STON1: variants seen among roughly 807,000 people sequenced by gnomAD.
STON1 encodes stonin 1, also known as stonin-1.
In STON1, 79 loss-of-function variants were observed where a neutral mutation model predicts 60.9. The ratio of observed to expected loss-of-function variants is 1.30; its 90% CI spans 1.08 to 1.56. STON1 has a LOEUF of 1.56. STON1 is among the 40% of genes most tolerant of loss of function. STON1 has a pLI of 0.00. For synonymous variants in STON1, 363 were observed against 306.9 expected (o/e 1.18, Z -1.91); for missense variants, 1,166 against 858.9 (o/e 1.36, Z -4.47).
chr2:48,568,938 AG>A (rs1673064584), intron 1 of STON1: 1 of 152,316 alleles, frequency 6.6e-6, no homozygotes, highest in Admixed American at 6.6e-5. Flanking sequence ...TCATTAGTGA[AG>A]GGTGGGGTGG....
chr2:48,574,644 C>G (rs1221527421), intron 1 of STON1, among the ~76,000 whole-genome samples: 5 of 152,162 alleles, frequency 3.3e-5, no homozygotes, highest in Non-Finnish European at 7.3e-5. Flanking sequence ...TTCACAGGGT[C>G]TTTTTGATAA....
intron 1 of STON1, among the ~76,000 whole-genome samples, chr2:48,532,448 AAAAAC>A (rs1372728007): frequency 2.0e-5 from 3 of 151,724 alleles, no homozygotes; most frequent in Non-Finnish European, 4.4e-5. Context: ...AAAAAAAAAA[AAAAAC>A]AACAAAAGTA....
At chr2:48,540,217 AGGATGTG>A (rs1671600448) in intron 1 of STON1, among the ~76,000 whole-genome samples, 1 of 152,150 alleles carries the variant, frequency 6.6e-6, no homozygotes, top group African/African-American at 2.4e-5. Flanking sequence ...TTTGGATGGG[AGGATGTG>A]GTGTTATGAT....
intron 1 of STON1, among the ~76,000 whole-genome samples, chr2:48,543,929 A>T (rs542101905): frequency 4.6e-5 from 7 of 152,218 alleles, no homozygotes; most frequent in Non-Finnish European, 1.0e-4. Context: ...AGGAGGGATC[A>T]TGAAGTCCCC....
At chr2:48,578,470 G>C (rs1385171006) in intron 1 of STON1, among the ~76,000 whole-genome samples, 1 of 149,700 alleles carries the variant, frequency 6.7e-6, no homozygotes, top group Non-Finnish European at 1.5e-5. Context: ...AGTGTATTTT[G>C]TGTGTGGCCC....
At chr2:48,533,340 A>C (rs1671290412) in intron 1 of STON1, among the ~76,000 whole-genome samples, 1 of 151,852 alleles carries the variant, frequency 6.6e-6, no homozygotes. Context: ...CGACTGCACC[A>C]CTGCACTTCA....
chr2:48,587,323 C>T (rs750158864), intron 2 of STON1, among the ~76,000 whole-genome samples: 5 of 152,100 alleles, frequency 3.3e-5, no homozygotes, highest in Admixed American at 6.5e-5. Context: ...GACGGAGTCT[C>T]GCTCTGCCAC....
At chr2:48,533,115 G>A (rs1671279660) in intron 1 of STON1, among the ~76,000 whole-genome samples, 1 of 152,114 alleles carries the variant, frequency 6.6e-6, no homozygotes, top group Admixed American at 6.5e-5. Flanking sequence ...CGGGCGCGGT[G>A]GCTTCCGCTT....
intron 1 of STON1, among the ~76,000 whole-genome samples, chr2:48,542,645 CTATAATTCCAGCACT>C (rs1318090496): frequency 6.6e-6 from 1 of 152,154 alleles, no homozygotes; most frequent in Non-Finnish European, 1.5e-5. Context: ...TGGCTCAAGC[CTATAATTCCAGCACT>C]TTGGGAGGCC....
At chr2:48,570,793 CT>C (rs1673161543) in intron 1 of STON1, among the ~76,000 whole-genome samples, 2 of 148,804 alleles carry the variant, frequency 1.3e-5, no homozygotes, top group South Asian at 4.2e-4. Context: ...ATACATACTC[CT>C]TTTCTTTCTG....
At position 48,533,509 on chromosome 2, in the gene STON1, T is replaced by G. The variant is rs78455528; in HGVS notation, c.-48+3293T>G. On this transcript the variant is annotated intron_variant, in intron 1 of 3. Transcript: ENST00000404752. Reference sequence around the variant, plus strand: ...TTCGATACCAGCCTGGCCAACATGATGAAAACCTGTCTCTACTAAAAATAT... The same window carrying G: ...TTCGATACCAGCCTGGCCAACATGAGGAAAACCTGTCTCTACTAAAAATAT... 1.0e-3 allele frequency among the ~76,000 whole-genome samples: 155 copies of G among 151,768 alleles called. 3 individuals are homozygous for G. In the East Asian group the frequency reaches 0.029, roughly 29 times the overall value.
At position 48,592,389 on chromosome 2, in the gene STON1, G is replaced by C. The variant is rs147666551; in HGVS notation, c.2133+534G>C. 2.0e-5 allele frequency among the ~76,000 whole-genome samples: 3 copies of C among 150,798 alleles called. No homozygotes were observed. In the East Asian group the frequency reaches 5.8e-4, roughly 29 times the overall value. ...CTATCTTGTGGAATAGTGTTCTGTG[G>C]AGCATGCTTTAGGAAATGCTGAGTT... On this transcript the variant is annotated intron_variant, in intron 3 of 3. Transcript: ENST00000404752.
At chr2:48,579,933 G>C (rs1041117361) in intron 1 of STON1, among the ~76,000 whole-genome samples, 6 of 152,082 alleles carry the variant, frequency 3.9e-5, no homozygotes, top group Admixed American at 3.3e-4. Flanking sequence ...TTCAGATGGA[G>C]TTTCACTCTG....
chr2:48,595,468 AT>A lies in STON1; in HGVS notation c.*172del, dbSNP rs1459647449. ...TTAGACCTAAAACCGAACAATCTGTATTTTTTGCTTTTCATGTGTTTTTGTC... is the reference window on the plus strand; with the variant it reads ...TTAGACCTAAAACCGAACAATCTGTATTTTTGCTTTTCATGTGTTTTTGTC... On this transcript the variant is annotated 3_prime_UTR_variant, in exon 4 of 4. Transcript: ENST00000404752. 11 of 589,664 alleles carry A rather than the reference AT, an allele frequency of 1.9e-5. No individual in the cohort carries two copies. The highest frequency in any genetic ancestry group is 3.2e-5 in the Non-Finnish European group (11 of 341,446). The allele number at this position is 589,664 out of a possible 1,614,324, so 36.5% of individuals were successfully genotyped here.
rs111280840 is a variant in STON1, at chr2:48,582,402, A to T, written c.1769A>T (p.Gln590Leu). Residue 590 changes from glutamine to leucine, a missense_variant, in exon 2 of 4, where the codon CAG (glutamine) becomes CTG (leucine). By Grantham distance (113) the Gln-to-Leu change is moderately radical (BLOSUM62 -2). Transcript: ENST00000404752. ...KALWTMNLQR[Q>L]KSLKAKMNRR... ...CTTTGGACCATGAACCTCCAGAGGC[A>T]GAAGTCTCTGAAAGCTAAAATGAAC... 1 of 1,614,188 alleles carries T rather than the reference A, an allele frequency of 6.2e-7. No homozygotes were observed. The highest frequency in any genetic ancestry group is 1.3e-5 in the African/African-American group (1 of 75,044).
chr2:48,557,845 T>A (rs750235529), intron 1 of STON1, among the ~76,000 whole-genome samples: 1 of 152,242 alleles, frequency 6.6e-6, no homozygotes, highest in Non-Finnish European at 1.5e-5. Flanking sequence ...TTTTGTGTGC[T>A]GAAGTTTGCT....
chr2:48,532,265 T>C (rs886174127), intron 1 of STON1, among the ~76,000 whole-genome samples: 3 of 151,608 alleles, frequency 2.0e-5, no homozygotes, highest in African/African-American at 7.3e-5. Context: ...GGAAGAATCG[T>C]TTGAACCTGG....
In STON1 at chr2:48,595,691, G is replaced by A. The variant is rs923030823; in HGVS notation, c.*389G>A. On this transcript the variant is annotated 3_prime_UTR_variant, in exon 4 of 4. Transcript: ENST00000404752. ...CATCTCTTCTTGCTGCTTAGTGTCT[G>A]TACTAGAGGGTAAGGGAATCAAAGG... 6.8e-5 allele frequency: 14 copies of A among 207,214 alleles called. No homozygotes were observed. Among genetic ancestry groups the A allele is most frequent in the Non-Finnish European group, 1.0e-4 (11 of 104,914 alleles). The allele number at this position is 207,214 out of a possible 1,614,324, so 12.8% of individuals were successfully genotyped here.
At chr2:48,582,695 G>T (rs1352392251) in intron 2 of STON1, 132 bp downstream of exon 2, 47 of 1,417,570 alleles carry the variant, frequency 3.3e-5, no homozygotes, top group Non-Finnish European at 4.4e-5. Context: ...GGTAGGAGAT[G>T]GAACATTTAG....
Sources: allele counts gnomAD v4.1 joint callset (sites outside exome capture counted in the v4.1 genomes callset), GRCh38; gene constraint gnomAD v4.1.1; transcripts MANE v1.5; gene names NCBI Gene and HGNC (gene_info 2026-07-23, HGNC 2026-07-21).